Variants in RSPH9 observed in about 807,000 individuals in gnomAD.
RSPH9 encodes the protein radial spoke head protein 9 homolog.
In RSPH9, 27 loss-of-function variants were observed where a neutral mutation model predicts 27.0. That is an observed-to-expected ratio of 1.00 (90% CI 0.74 to 1.38). The LOEUF (loss-of-function observed/expected upper bound fraction) is 1.38. RSPH9 is among the 40% of genes most tolerant of loss of function. The pLI, the probability that RSPH9 is intolerant of heterozygous loss-of-function variation, is 0.00. For synonymous variants in RSPH9, 145 were observed against 147.7 expected, an observed-to-expected ratio of 0.98 and a Z score of 0.13; for missense variants, 347 against 357.4, an observed-to-expected ratio of 0.97 and a Z score of 0.24.
At chr6:43,663,559 G>A (rs1433704643) in intron 4 of RSPH9, among the ~76,000 whole-genome samples, 1 of 152,258 alleles carries the variant, frequency 6.6e-6, no homozygotes, top group Non-Finnish European at 1.5e-5. Context: ...TGATTGTTGT[G>A]TCTCAGGGAA....
intron 4 of RSPH9, among the ~76,000 whole-genome samples, chr6:43,657,089 C>T (rs1772119172): frequency 6.6e-6 from 1 of 152,176 alleles, no homozygotes; most frequent in Non-Finnish European, 1.5e-5. Context: ...TATTTAGGGA[C>T]TGGATATAAT....
intron 4 of RSPH9, among the ~76,000 whole-genome samples, chr6:43,669,615 A>G (rs1773511864): frequency 6.6e-6 from 1 of 152,242 alleles, no homozygotes; most frequent in African/African-American, 2.4e-5. Flanking sequence ...GGCTGGTCCA[A>G]CACCAAAACT....
At chr6:43,648,208 G>A (rs1771086341) in intron 1 of RSPH9, among the ~76,000 whole-genome samples, 1 of 151,986 alleles carries the variant, frequency 6.6e-6, no homozygotes, top group African/African-American at 2.4e-5. Flanking sequence ...GGTGGAGTTT[G>A]CGGTGAGCTG....
intron 4 of RSPH9, among the ~76,000 whole-genome samples, chr6:43,664,912 C>A (rs554186180): frequency 5.9e-5 from 9 of 152,192 alleles, no homozygotes; most frequent in African/African-American, 1.2e-4. Flanking sequence ...GGTGATGGAA[C>A]CTCAGAGCCA....
chr6:43,666,376 G>A (rs1343311132), intron 4 of RSPH9: 2 of 1,419,798 alleles, frequency 1.4e-6, no homozygotes, highest in Non-Finnish European at 1.9e-6. Flanking sequence ...GGAGGGATGG[G>A]ATTTGGCAGC....
chr6:43,656,125 A>T (rs1478844287), intron 3 of RSPH9, among the ~76,000 whole-genome samples: 1 of 132,250 alleles, frequency 7.6e-6, no homozygotes, highest in Admixed American at 9.1e-5. Flanking sequence ...TGCTCTTGTC[A>T]TCCAGGCTGG....
chr6:43,651,042 G>C (rs1056009929), intron 2 of RSPH9, among the ~76,000 whole-genome samples: 1 of 150,684 alleles, frequency 6.6e-6, no homozygotes, highest in Non-Finnish European at 1.5e-5. Flanking sequence ...TAATCCTTCC[G>C]CCTCAGCCTC....
At chr6:43,650,663 T>C in intron 2 of RSPH9, 123 bp downstream of exon 2, 1 of 998,832 alleles carries the variant, frequency 1.0e-6, no homozygotes, top group Non-Finnish European at 1.5e-6. Flanking sequence ...TCTCAGCACT[T>C]TGAGAGGCTG....
At chr6:43,651,740 G>A (rs931573211) in intron 2 of RSPH9, among the ~76,000 whole-genome samples, 1 of 151,826 alleles carries the variant, frequency 6.6e-6, no homozygotes, top group African/African-American at 2.4e-5. Flanking sequence ...ATAGTGACGG[G>A]GTTTTACCAT....
chr6:43,645,084 G>A lies in RSPH9; in HGVS notation c.-15G>A. On this transcript the variant is annotated 5_prime_UTR_variant, in exon 1 of 5. Transcript: ENST00000372163. ...CCTAGCAACTCGACGGGCGTTGAGC[G>A]GAGCCGCTGACCTGATGGACGCCGA... The A allele has an allele frequency of 6.2e-7, 1 of 1,607,304 alleles. No individual in the cohort carries two copies. The highest frequency in any genetic ancestry group is 8.5e-7 in the Non-Finnish European group (1 of 1,178,360).
intron 4 of RSPH9, among the ~76,000 whole-genome samples, chr6:43,667,290 A>G (rs1000902030): frequency 1.3e-5 from 2 of 152,222 alleles, no homozygotes; most frequent in African/African-American, 4.8e-5. Context: ...CTGGAGGGCC[A>G]CTGCTCCTCT....
chr6:43,645,325 G>A lies in RSPH9; in HGVS notation c.227G>A (p.Ser76Asn). The A allele has an allele frequency of 6.2e-7, 1 of 1,612,864 alleles. No homozygotes were observed. The highest frequency in any genetic ancestry group is 8.5e-7 in the Non-Finnish European group (1 of 1,179,728). ...DQLAPRKTLY[S>N]LNCTEWSLLP... ...CTCGCACCGCGCAAGACGCTCTATA[G>A]GTGAGGAGGCCCCCGGGACGGGCTC... Residue 76 changes from serine to asparagine, a missense_variant and splice_region_variant, in exon 1 of 5, where the codon AGC (serine) becomes AAC (asparagine). Ser to Asn is a conservative substitution (Grantham distance 46, BLOSUM62 1). Coordinates refer to ENST00000372163, the MANE Select transcript of RSPH9 (RefSeq NM_152732.5).
chr6:43,648,438 A>G (rs1018994096), intron 1 of RSPH9, among the ~76,000 whole-genome samples: 1 of 152,232 alleles, frequency 6.6e-6, no homozygotes, highest in African/African-American at 2.4e-5. Context: ...CCCTGAGGCA[A>G]GTGTGTGCTT....
chr6:43,645,267 T>C lies in RSPH9; in HGVS notation c.169T>C (p.Tyr57His). 1 of 1,613,792 alleles carries C rather than the reference T, an allele frequency of 6.2e-7. No homozygotes were observed. The highest frequency in any genetic ancestry group is 8.5e-7 in the Non-Finnish European group (1 of 1,179,978). Residue 57 changes from tyrosine (Y) to histidine (H), a missense_variant, in exon 1 of 5, where the codon TAC becomes CAC. Physicochemically the swap from Tyr to His is moderately conservative, Grantham distance 83. Coordinates refer to ENST00000372163, the MANE Select transcript of RSPH9 (RefSeq NM_152732.5). ...CCGCATCCTTGGCCTCGTCGCCGAT[T>C]ACTACATCGCGCAGGGCCTGAGTGA... ...WGRILGLVAD[Y>H]YIAQGLSEDQ...
intron 1 of RSPH9, among the ~76,000 whole-genome samples, chr6:43,648,123 G>T (rs1166358843): frequency 3.3e-5 from 5 of 152,118 alleles, no homozygotes; most frequent in African/African-American, 1.2e-4. Flanking sequence ...TACAAAATTA[G>T]CCAGGTGTGG....
At chr6:43,663,643 T>C (rs7738658) in intron 4 of RSPH9, among the ~76,000 whole-genome samples, 37,936 of 152,056 alleles carry the variant, frequency 0.25, 8,389 homozygotes, top group African/African-American at 0.59. Flanking sequence ...GTTTGCCATC[T>C]TAAATGGATG....
intron 4 of RSPH9, among the ~76,000 whole-genome samples, chr6:43,666,694 C>T (rs1445800564): frequency 6.6e-6 from 1 of 152,128 alleles, no homozygotes; most frequent in Non-Finnish European, 1.5e-5. Flanking sequence ...ATCCTCCTGC[C>T]GGATCCAGGG....
intron 4 of RSPH9, among the ~76,000 whole-genome samples, chr6:43,660,350 C>T (rs187470482): frequency 9.2e-5 from 14 of 152,136 alleles, no homozygotes; most frequent in African/African-American, 2.4e-4. Context: ...CCTCCACTGA[C>T]GTCTTGAACC....
At chr6:43,652,990 T>C (rs1771641024) in intron 2 of RSPH9, among the ~76,000 whole-genome samples, 2 of 151,464 alleles carry the variant, frequency 1.3e-5, no homozygotes, top group Admixed American at 1.3e-4. Flanking sequence ...GGCTAATTTT[T>C]GTATTTTTTT....
Sources: allele counts gnomAD v4.1 joint callset (sites outside exome capture counted in the v4.1 genomes callset), GRCh38; gene constraint gnomAD v4.1.1; transcripts MANE v1.5; gene names NCBI Gene and HGNC (gene_info 2026-07-23, HGNC 2026-07-21).